Variants in SASH1 observed in about 807,000 individuals in gnomAD.
SASH1 encodes SAM and SH3 domain containing 1, also known as SAM and SH3 domain-containing protein 1.
A neutral mutation model predicts 125.2 loss-of-function variants in SASH1; 44 were observed. The ratio of observed to expected loss-of-function variants is 0.35; its 90% CI spans 0.28 to 0.45. The LOEUF (loss-of-function observed/expected upper bound fraction) is 0.45, where lower values mean the gene tolerates loss of function less well. Among genes scored for constraint, SASH1 ranks in the 20% least tolerant of loss-of-function variants. The pLI, the probability that SASH1 is intolerant of heterozygous loss-of-function variation, is 1.00. For missense variants in SASH1, 1,426 were observed against 1,614.5 expected (o/e 0.88, Z 2.00); for synonymous variants, 639 against 649.1 (o/e 0.98, Z 0.24).
chr6:148,532,327 T>G lies in SASH1; in HGVS notation c.1565-470T>G, dbSNP rs1781568770. ...AAGCGATCTGCCCACCTCGGCCTCC[T>G]AAAGTGCTGGGATTATAGGCGTGAG... On this transcript the variant is annotated intron_variant, in intron 13 of 19. Coordinates refer to ENST00000367467, the MANE Select transcript of SASH1 (RefSeq NM_015278.5). This position sits in a 1 kb window ranked among gnomAD's most constrained non-coding sequence, Gnocchi z 4.7. 6.6e-6 allele frequency among the ~76,000 whole-genome samples: 1 copy of G among 152,158 alleles called. No individual in the cohort carries two copies. The highest frequency in any genetic ancestry group is 6.5e-5 in the Admixed American group (1 of 15,284).
At chr6:148,370,562 G>T (rs1782667208) in intron 1 of SASH1, among the ~76,000 whole-genome samples, 1 of 152,038 alleles carries the variant, frequency 6.6e-6, no homozygotes, top group Non-Finnish European at 1.5e-5. Flanking sequence ...GGTGGCTCAC[G>T]CCTGTAATCC....
In SASH1 at chr6:148,440,192, C is replaced by T. The variant is rs747396178; in HGVS notation, c.294C>T (p.Pro98=). 1.4e-5 allele frequency: 22 copies of T among 1,613,890 alleles called. No individual in the cohort carries two copies. The East Asian group carries it at 3.6e-4, about 26-fold the overall frequency. Residue 98 remains proline (P), a synonymous_variant, in exon 3 of 20, where the codon CCC becomes CCT. Transcript: ENST00000367467. ...CATCTGTTCTGTTTTAGGAGAAACC[C>T]GATGCTAGCCCCACGTCACTTCAGC... The part of the protein sequence containing the change: ...RVSQDLEVEK[P]DASPTSLQLR...
the SASH1 span, chr6:148,239,850 C>G: frequency 6.6e-6 from 1 of 152,194 alleles, no homozygotes; most frequent in Non-Finnish European, 1.5e-5. Context: ...TAGGGAACAC[C>G]TAAACTTCCA....
intron 2 of SASH1, among the ~76,000 whole-genome samples, chr6:148,410,744 A>G (rs1784589595): frequency 6.6e-6 from 1 of 152,240 alleles, no homozygotes; most frequent in Non-Finnish European, 1.5e-5. Flanking sequence ...GTTGCTTTAG[A>G]TATGAGTGTT....
intron 1 of SASH1, among the ~76,000 whole-genome samples, chr6:148,383,045 C>T (rs974133410): frequency 6.6e-6 from 1 of 152,184 alleles, no homozygotes; most frequent in African/African-American, 2.4e-5. Context: ...TTAGTTATTA[C>T]AGTCAGTGAA....
chr6:148,255,089 G>C, the SASH1 span, among the ~76,000 whole-genome samples: 20 of 152,166 alleles, frequency 1.3e-4, no homozygotes, highest in African/African-American at 4.6e-4. Flanking sequence ...AATGTGCTAA[G>C]TGAAAGACGC....
the SASH1 span, among the ~76,000 whole-genome samples, chr6:148,234,875 A>AAGAAGCTGG: frequency 6.6e-6 from 1 of 151,874 alleles, no homozygotes; most frequent in African/African-American, 2.4e-5. Context: ...AGCTCAGGCC[A>AAGAAGCTGG]AGAAGCTGGA....
chr6:148,387,632 CTTT>C (rs1562371343), intron 1 of SASH1, among the ~76,000 whole-genome samples: 434 of 37,282 alleles, frequency 0.012, 34 homozygotes, highest in African/African-American at 0.016. Flanking sequence ...TTCTTTCTTT[CTTT>C]CTTTCTTTCT....
intron 4 of SASH1, among the ~76,000 whole-genome samples, chr6:148,451,000 A>G (rs1398629642): frequency 6.6e-6 from 1 of 152,212 alleles, no homozygotes; most frequent in Non-Finnish European, 1.5e-5. Flanking sequence ...AGTGCTTGAT[A>G]ATCTTGTCTG....
At chr6:148,272,380 A>C in intron 1 of SASH1, 1 of 470,434 alleles carries the variant, frequency 2.1e-6, no homozygotes, top group South Asian at 1.6e-5. Flanking sequence ...ATTGCAGGGT[A>C]TGTAGGCTGT....
chr6:148,474,132 C>A lies in SASH1; in HGVS notation c.537C>A (p.Ala179=). 6.2e-7 allele frequency: 1 copy of A among 1,611,234 alleles called. No homozygotes were observed. The highest frequency in any genetic ancestry group is 1.1e-5 in the South Asian group (1 of 90,240). Residue 179 remains alanine, a synonymous_variant, in exon 7 of 20, where the codon GCC becomes GCA. Transcript: ENST00000367467. ...CAGGAGAAGACGTTGGTTATGTTGC[C>A]AGTGAAATAACGATGAGCGATGAGG... ...TSKGEDVGYV[A]SEITMSDEER...
chr6:148,244,810 T>C, the SASH1 span, among the ~76,000 whole-genome samples: 6 of 151,986 alleles, frequency 3.9e-5, no homozygotes, highest in East Asian at 1.2e-3. Context: ...CCTGACAGAG[T>C]GGATTCTTGC....
Position 148,343,365 on chromosome 6 carries a change from A to G in SASH1, c.156+142A>G. The G allele has an allele frequency of 1.0e-5, 7 of 675,966 alleles. No homozygotes were observed. In the South Asian group the frequency reaches 1.5e-4, roughly 15 times the overall value. The allele number at this position is 675,966 out of a possible 1,614,324, so 41.9% of individuals were successfully genotyped here. On this transcript the variant is annotated intron_variant, in intron 1 of 19. Coordinates refer to ENST00000367467, the MANE Select transcript of SASH1 (RefSeq NM_015278.5). ...TCTGGCTCTAGTTCTTAGGGGGCTA[A>G]ATACACACAGTATAGGATTTCAAAC...
chr6:148,231,454 A>AT, the SASH1 span, among the ~76,000 whole-genome samples: 3 of 152,186 alleles, frequency 2.0e-5, no homozygotes, highest in African/African-American at 7.2e-5. Flanking sequence ...GTTTTTCCTA[A>AT]TCTGAGTCCA....
At chr6:148,453,830 G>C (rs1777214782) in intron 4 of SASH1, among the ~76,000 whole-genome samples, 1 of 152,230 alleles carries the variant, frequency 6.6e-6, no homozygotes, top group African/African-American at 2.4e-5. Flanking sequence ...TTGGGGGATA[G>C]GCATGGTGCT....
chr6:148,328,517 C>T (rs1378382214), intron 1 of SASH1, among the ~76,000 whole-genome samples: 2 of 151,792 alleles, frequency 1.3e-5, no homozygotes, highest in Non-Finnish European at 1.5e-5. Context: ...TGCTTGAACC[C>T]GGGAGGTGGA....
chr6:148,328,131 G>A (rs780419544), intron 1 of SASH1, among the ~76,000 whole-genome samples: 18 of 152,036 alleles, frequency 1.2e-4, no homozygotes, highest in Non-Finnish European at 2.2e-4. Context: ...AGCCTTGAAC[G>A]GTTGGCCTCG....
intron 7 of SASH1, chr6:148,478,997 C>G (rs1293867784): frequency 4.0e-5 from 6 of 151,094 alleles, no homozygotes; most frequent in Non-Finnish European, 7.4e-5. Context: ...TGTAGTTTTT[C>G]TGTGGTGAGC....
intron 2 of SASH1, among the ~76,000 whole-genome samples, chr6:148,429,450 A>T (rs1775974118): frequency 6.6e-6 from 1 of 150,574 alleles, no homozygotes; most frequent in African/African-American, 2.4e-5. Context: ...TGGCAAAGTG[A>T]TCCAATTTAA....
Sources: gnomAD v4.1 joint callset for allele counts (sites outside exome capture counted in the v4.1 genomes callset) on GRCh38, gnomAD v4.1.1 for gene constraint, Gnocchi (gnomAD v3.1) non-coding constraint, MANE v1.5 for transcripts, NCBI Gene and HGNC (gene_info 2026-07-23, HGNC 2026-07-21) for gene names.